Variants in ACTN2 observed in about 807,000 individuals in gnomAD.
The protein encoded by ACTN2 is alpha-actinin-2.
ACTN2 carries 39 observed loss-of-function variants against 113.8 expected under a neutral mutation model. The ratio of observed to expected loss-of-function variants is 0.34; its 90% confidence interval spans 0.27 to 0.45. The LOEUF (loss-of-function observed/expected upper bound fraction) is 0.45, where lower values mean the gene tolerates loss of function less well. ACTN2 is among the 20% of genes least tolerant of loss of function. ACTN2 has a pLI of 1.00. For synonymous variants in ACTN2, 429 were observed against 444.1 expected (o/e 0.97, Z 0.43); for missense variants, 992 against 1,177.9 (o/e 0.84, Z 2.31).
chr1:236,742,478 G>A (rs1490836875), intron 10 of ACTN2, among the ~76,000 whole-genome samples: 1 of 152,168 alleles, frequency 6.6e-6, no homozygotes, highest in South Asian at 2.1e-4. Flanking sequence ...GCCGAGGTGG[G>A]AGGATTGCCA....
chr1:236,748,972 ATTGT>A (rs1659313333), intron 13 of ACTN2, 148 bp from the exon 14 acceptor site: 5 of 899,372 alleles, frequency 5.6e-6, no homozygotes, highest in South Asian at 4.4e-5. Context: ...GCTCAGCCTA[ATTGT>A]TTGAGCATCG....
In ACTN2 at chr1:236,686,514, C is replaced by T; in HGVS notation, c.-160C>T. ...GCTCGCAGCCGGAGCTGGTGCTTCGCCCGAGACCCAGCGCCCAGGCGTGTC... is the reference window on the plus strand; with the variant it reads ...GCTCGCAGCCGGAGCTGGTGCTTCGTCCGAGACCCAGCGCCCAGGCGTGTC... On this transcript the variant is annotated 5_prime_UTR_variant, in exon 1 of 21. Coordinates refer to ENST00000366578, the MANE Select transcript of ACTN2 (RefSeq NM_001103.4). 6.4e-6 allele frequency: 5 copies of T among 782,368 alleles called. No individual in the cohort carries two copies. Among genetic ancestry groups the T allele is most frequent in the Non-Finnish European group, 8.5e-6 (5 of 586,048 alleles). 48.5% of individuals were successfully genotyped at this position (782,368 alleles called of 1,614,324 possible). A position where few individuals can be genotyped will look rare whatever the true frequency, so the allele number is the denominator to read the frequency against.
chr1:236,699,907 A>G (rs753722160), intron 1 of ACTN2, among the ~76,000 whole-genome samples: 3 of 152,218 alleles, frequency 2.0e-5, no homozygotes, highest in Non-Finnish European at 4.4e-5. Flanking sequence ...AAACTTTGCT[A>G]TGAAAGAAAC....
intron 10 of ACTN2, 38 bp from the exon 11 acceptor site, chr1:236,742,858 G>T (rs1444805424): frequency 1.2e-6 from 2 of 1,613,940 alleles, no homozygotes; most frequent in Admixed American, 1.7e-5. Flanking sequence ...GAAGGTGCTT[G>T]TTACACATTT....
chr1:236,736,417 C>A, intron 8 of ACTN2: 1 of 595,002 alleles, frequency 1.7e-6, no homozygotes, highest in Non-Finnish European at 3.0e-6. Context: ...GGACAGGCTG[C>A]GGGCCCAGAA....
intron 1 of ACTN2, among the ~76,000 whole-genome samples, chr1:236,716,833 A>C (rs1204509656): frequency 2.6e-5 from 1 of 38,960 alleles, no homozygotes; most frequent in African/African-American, 8.6e-5. Context: ...CACATTTTGA[A>C]CATTTTTTTT....
chr1:236,727,556 A>T, intron 5 of ACTN2, 122 bp from the exon 6 acceptor site: 1 of 971,206 alleles, frequency 1.0e-6, no homozygotes, highest in Non-Finnish European at 1.6e-6. Flanking sequence ...AGAGGAAGCT[A>T]CATGGGGCCC....
At chr1:236,749,090 T>C in intron 13 of ACTN2, 34 bp from the exon 14 acceptor site, 1 of 1,612,778 alleles carries the variant, frequency 6.2e-7, no homozygotes, top group Non-Finnish European at 8.5e-7. Context: ...TTTTAATTAG[T>C]CTATGATAAT....
intron 17 of ACTN2, among the ~76,000 whole-genome samples, 180 bp downstream of exon 17, chr1:236,755,378 A>T (rs1350389136): frequency 6.6e-6 from 1 of 152,196 alleles, no homozygotes; most frequent in Non-Finnish European, 1.5e-5. Flanking sequence ...AGCTATATCG[A>T]GGACTATATG....
chr1:236,737,017 C>A, intron 8 of ACTN2, 105 bp from the exon 9 acceptor site: 1 of 897,724 alleles, frequency 1.1e-6, no homozygotes, highest in Non-Finnish European at 1.8e-6. Flanking sequence ...GCACCGTCTA[C>A]AGCACGCCAC....
intron 10 of ACTN2, among the ~76,000 whole-genome samples, chr1:236,742,257 C>T (rs895670823): frequency 6.9e-6 from 1 of 145,750 alleles, no homozygotes. Flanking sequence ...ATGACTGTCT[C>T]TCTCCCCCAA....
chr1:236,759,123 G>C (rs1343241846), intron 18 of ACTN2, among the ~76,000 whole-genome samples: 1 of 152,194 alleles, frequency 6.6e-6, no homozygotes, highest in Admixed American at 6.5e-5. Context: ...CACAGAGATG[G>C]ATATTGACGT....
intron 1 of ACTN2, among the ~76,000 whole-genome samples, chr1:236,709,427 G>A (rs819647): frequency 3.4e-5 from 5 of 147,472 alleles, no homozygotes; most frequent in African/African-American, 1.3e-4. Flanking sequence ...ACAAATAATT[G>A]CATGGTGTCA....
chr1:236,740,457 G>C (rs1253041613), intron 10 of ACTN2, among the ~76,000 whole-genome samples: 1 of 151,996 alleles, frequency 6.6e-6, no homozygotes, highest in Non-Finnish European at 1.5e-5. Flanking sequence ...CAGTAAACTG[G>C]CTTCTGTCCC....
chr1:236,695,563 T>TCCCCCCCCCCCCCC (rs71559972), intron 1 of ACTN2, among the ~76,000 whole-genome samples: 5 of 100,794 alleles, frequency 5.0e-5, no homozygotes, highest in African/African-American at 1.2e-4. Context: ...TGAAATGAGT[T>TCCCCCCCCCCCCCC]CCCCCCCCCT....
chr1:236,752,687 G>C (rs998195633), intron 15 of ACTN2, among the ~76,000 whole-genome samples: 2 of 151,862 alleles, frequency 1.3e-5, no homozygotes, highest in African/African-American at 4.8e-5. Context: ...TAATAGCTGG[G>C]ATTACAGGTG....
At chr1:236,715,402 G>T (rs1558230551) in intron 1 of ACTN2, among the ~76,000 whole-genome samples, 1 of 144,604 alleles carries the variant, frequency 6.9e-6, no homozygotes. Context: ...TAAAAAATAA[G>T]TAATGAATTC....
At chr1:236,722,854 A>G (rs1436033685) in intron 4 of ACTN2, among the ~76,000 whole-genome samples, 2 of 152,072 alleles carry the variant, frequency 1.3e-5, no homozygotes, top group Non-Finnish European at 2.9e-5. Flanking sequence ...CCACTTTCCC[A>G]TACACCTTTC....
intron 1 of ACTN2, among the ~76,000 whole-genome samples, chr1:236,715,691 C>G (rs887045323): frequency 6.6e-6 from 1 of 152,158 alleles, no homozygotes; most frequent in South Asian, 2.1e-4. Flanking sequence ...TGTGGTGGCT[C>G]ATGCCTGTAA....
Sources: allele counts gnomAD v4.1 joint callset (sites outside exome capture counted in the v4.1 genomes callset), GRCh38; gene constraint gnomAD v4.1.1; transcripts MANE v1.5; gene names NCBI Gene and HGNC (gene_info 2026-07-23, HGNC 2026-07-21).